AGBL4: variants seen among roughly 807,000 people sequenced by gnomAD.
AGBL4 encodes cytosolic carboxypeptidase 6.
AGBL4 carries 58 observed loss-of-function variants against 66.4 expected under a neutral mutation model. The observed-to-expected ratio is 0.87, with a 90% confidence interval of 0.71 to 1.09. The LOEUF is 1.09. Ranked by LOEUF, AGBL4 falls within the 50% of genes least tolerant of loss-of-function variation. The pLI is 0.00. For synonymous variants in AGBL4, 234 were observed against 222.9 expected, an observed-to-expected ratio of 1.05 and a Z score of -0.44; for missense variants, 579 against 631.0, an observed-to-expected ratio of 0.92 and a Z score of 0.88.
At chr1:48,641,016 G>C (rs987615398) in intron 8 of AGBL4, among the ~76,000 whole-genome samples, 2 of 152,084 alleles carry the variant, frequency 1.3e-5, no homozygotes, top group African/African-American at 4.8e-5. Context: ...CTTGCCCTGA[G>C]CACCGTGAGG....
chr1:49,165,729 AAGAT>A (rs889417396), intron 4 of AGBL4, among the ~76,000 whole-genome samples: 7 of 151,666 alleles, frequency 4.6e-5, no homozygotes, highest in South Asian at 2.1e-4. Context: ...AAATAAGAAA[AAGAT>A]AGAAAGAGAA....
intron 1 of AGBL4, among the ~76,000 whole-genome samples, chr1:49,962,604 TAGTG>T (rs2148346299): frequency 6.6e-6 from 1 of 152,220 alleles, no homozygotes; most frequent in South Asian, 2.1e-4. Flanking sequence ...AATAAATACT[TAGTG>T]AGATCTTACT....
At chr1:49,881,434 T>C (rs1222376119) in intron 1 of AGBL4, among the ~76,000 whole-genome samples, 2 of 151,978 alleles carry the variant, frequency 1.3e-5, no homozygotes, top group East Asian at 1.9e-4. Flanking sequence ...ATGGTATTTC[T>C]AGTTCTCGAT....
intron 6 of AGBL4, among the ~76,000 whole-genome samples, chr1:48,725,669 C>T (rs1647227849): frequency 1.3e-5 from 2 of 152,170 alleles, no homozygotes; most frequent in East Asian, 3.9e-4. Flanking sequence ...GATCCAGGTC[C>T]ACTGCTGACA....
At chr1:49,099,561 T>G (rs1159445256) in intron 4 of AGBL4, among the ~76,000 whole-genome samples, 2 of 152,194 alleles carry the variant, frequency 1.3e-5, no homozygotes, top group Non-Finnish European at 2.9e-5. Flanking sequence ...CACTGTTTCA[T>G]TTAATTACCA....
At chr1:48,964,178 G>A (rs1205124001) in intron 5 of AGBL4, among the ~76,000 whole-genome samples, 3 of 152,168 alleles carry the variant, frequency 2.0e-5, no homozygotes, top group African/African-American at 7.2e-5. Flanking sequence ...TTCATACCTG[G>A]GACCCATGTC....
intron 3 of AGBL4, among the ~76,000 whole-genome samples, chr1:49,503,741 T>C (rs554294662): frequency 3.3e-5 from 5 of 152,294 alleles, no homozygotes; most frequent in South Asian, 4.1e-4. Context: ...CCCTTTTGTT[T>C]AGGCCAATTT....
At chr1:48,770,191 C>T (rs1291617742) in intron 6 of AGBL4, among the ~76,000 whole-genome samples, 2 of 152,204 alleles carry the variant, frequency 1.3e-5, no homozygotes, top group Non-Finnish European at 2.9e-5. Context: ...TGGTGCAAAA[C>T]TGAGAAAATG....
Position 48,741,864 on chromosome 1 carries a change from AC to A in AGBL4, c.635-78624del, listed in dbSNP as rs1185906497. 2.0e-5 allele frequency among the ~76,000 whole-genome samples: 3 copies of A among 152,356 alleles called. No individual in the cohort carries two copies. The South Asian group carries it at 6.2e-4, about 32-fold the overall frequency. ...AAAGCTGAATTTCACCAGTGCCAAC[AC>A]AAAGGGCTCTGATGTACTTCTTCAA... On this transcript the variant is annotated intron_variant, in intron 6 of 13. Coordinates refer to ENST00000371839, the MANE Select transcript of AGBL4 (RefSeq NM_032785.4).
At chr1:49,313,282 C>T (rs2148463923) in intron 3 of AGBL4, among the ~76,000 whole-genome samples, 1 of 152,174 alleles carries the variant, frequency 6.6e-6, no homozygotes, top group South Asian at 2.1e-4. Context: ...CATTGATGAA[C>T]ATTTAGGTTG....
At chr1:48,886,796 C>T (rs1650400534) in intron 5 of AGBL4, among the ~76,000 whole-genome samples, 1 of 152,146 alleles carries the variant, frequency 6.6e-6, no homozygotes, top group African/African-American at 2.4e-5. Context: ...CGTGATCCGC[C>T]CGCCTCGGCC....
intron 1 of AGBL4, chr1:49,995,266 C>A: frequency 2.2e-6 from 1 of 455,120 alleles, no homozygotes; most frequent in Non-Finnish European, 4.4e-6. Context: ...AAGTTTTCAG[C>A]CCTGCTCACC....
At chr1:48,741,419 C>T (rs1649891420) in intron 6 of AGBL4, among the ~76,000 whole-genome samples, 2 of 152,306 alleles carry the variant, frequency 1.3e-5, no homozygotes, top group Non-Finnish European at 2.9e-5. Flanking sequence ...TGCCGACTTC[C>T]AACTTGTCAT....
At chr1:49,583,377 T>C (rs1224199745) in intron 3 of AGBL4, among the ~76,000 whole-genome samples, 4 of 152,246 alleles carry the variant, frequency 2.6e-5, no homozygotes, top group African/African-American at 9.6e-5. Context: ...CTGTATCGTC[T>C]ATCATATTTT....
intron 3 of AGBL4, among the ~76,000 whole-genome samples, chr1:49,652,918 C>T (rs950297889): frequency 6.6e-6 from 1 of 152,086 alleles, no homozygotes; most frequent in Non-Finnish European, 1.5e-5. Context: ...GTCAGGGTAG[C>T]CCGAGGATTC....
intron 6 of AGBL4, among the ~76,000 whole-genome samples, chr1:48,863,002 A>G (rs1340688433): frequency 6.6e-6 from 1 of 152,218 alleles, no homozygotes; most frequent in Non-Finnish European, 1.5e-5. Context: ...GGCTTGATAT[A>G]CAATAAACAA....
chr1:49,560,504 T>A (rs1644013161), intron 3 of AGBL4, among the ~76,000 whole-genome samples: 1 of 151,952 alleles, frequency 6.6e-6, no homozygotes, highest in Non-Finnish European at 1.5e-5. Flanking sequence ...AATCTAAAAG[T>A]TATTGGCCTC....
intron 4 of AGBL4, among the ~76,000 whole-genome samples, chr1:49,241,708 G>A (rs556916989): frequency 3.2e-4 from 48 of 151,966 alleles, no homozygotes; most frequent in Non-Finnish European, 6.3e-4. Context: ...AAGGAGGGAA[G>A]AAAGAGAGGA....
chr1:48,732,500 C>T (rs1403299921), intron 6 of AGBL4, among the ~76,000 whole-genome samples: 1 of 151,396 alleles, frequency 6.6e-6, no homozygotes, highest in African/African-American at 2.5e-5. Context: ...ATAGGAAATG[C>T]TATGCAGAGA....
Sources: allele counts gnomAD v4.1 joint callset (sites outside exome capture counted in the v4.1 genomes callset), GRCh38; gene constraint gnomAD v4.1.1; transcripts MANE v1.5; gene names NCBI Gene and HGNC (gene_info 2026-07-23, HGNC 2026-07-21).